The following TYW1 variants were observed in gnomAD, a reference collection of about 807,000 sequenced individuals.
TYW1 encodes the protein tRNA-yW synthesizing protein 1 homolog.
Under a neutral mutation model 96.2 loss-of-function variants are expected in TYW1, and 46 were observed. The observed-to-expected ratio is 0.48, with a 90% CI of 0.38 to 0.61. The LOEUF is 0.61. Ranked by LOEUF, TYW1 falls within the 20% of genes least tolerant of loss-of-function variation. The probability of loss-of-function intolerance (pLI) is 0.00; values close to 1 mark genes in which losing one functional copy is unlikely to be tolerated. For missense variants in TYW1, 684 were observed against 909.6 expected, an observed-to-expected ratio of 0.75 and a Z score of 3.19; for synonymous variants, 274 against 323.0, an observed-to-expected ratio of 0.85 and a Z score of 1.63.
intron 15 of TYW1, among the ~76,000 whole-genome samples, chr7:67,217,846 C>CTTTTTTTTTTTTTTTTTT: frequency 1.4e-5 from 1 of 69,234 alleles, no homozygotes; most frequent in Non-Finnish European, 2.7e-5. Context: ...GTGTTGATGT[C>CTTTTTTTTTTTTTTTTTT]TTTTTTTTTT....
At chr7:67,220,854 C>G (rs777296104) in intron 15 of TYW1, among the ~76,000 whole-genome samples, 92 of 151,776 alleles carry the variant, frequency 6.1e-4, no homozygotes, top group Non-Finnish European at 4.7e-4. Context: ...TCTTCTGCCT[C>G]AGCCCCCCGA....
At chr7:67,160,754 G>A (rs1206403457) in intron 13 of TYW1, among the ~76,000 whole-genome samples, 2 of 151,420 alleles carry the variant, frequency 1.3e-5, no homozygotes, top group Non-Finnish European at 2.9e-5. Flanking sequence ...ACCATGCCCA[G>A]CTAATTTTTG....
chr7:67,056,320 C>T (rs576646252), intron 9 of TYW1, among the ~76,000 whole-genome samples: 3 of 152,096 alleles, frequency 2.0e-5, no homozygotes, highest in African/African-American at 4.8e-5. Flanking sequence ...GGTGAAACCC[C>T]GTTTCTACTA....
intron 11 of TYW1, among the ~76,000 whole-genome samples, chr7:67,085,518 G>A (rs536774654): frequency 2.0e-5 from 3 of 152,224 alleles, no homozygotes; most frequent in East Asian, 1.9e-4. Context: ...GCTGAACTGC[G>A]AATCAATTAA....
rs546325343 is a variant in TYW1 at position 67,090,104 on chromosome 7, C to A, written c.1384+6565C>A. ...AGGCTAGAAGCAAAGTACTGCAAGACATAAAAGATCTCCAACAGATGGTTT... is the reference window on the plus strand; with the variant it reads ...AGGCTAGAAGCAAAGTACTGCAAGAAATAAAAGATCTCCAACAGATGGTTT... On this transcript the variant is annotated intron_variant, in intron 11 of 15. Transcript: ENST00000359626. 7.2e-3 allele frequency among the ~76,000 whole-genome samples: 1,096 copies of A among 152,162 alleles called. 5 individuals carry two copies. The highest frequency in any genetic ancestry group is 0.012 in the Non-Finnish European group (783 of 67,946).
chr7:67,184,418 G>A (rs1250203694), intron 14 of TYW1, among the ~76,000 whole-genome samples: 2 of 151,814 alleles, frequency 1.3e-5, no homozygotes, highest in Non-Finnish European at 2.9e-5. Context: ...TTTCACTGGT[G>A]GTCTTGTATA....
At chr7:67,188,645 A>G (rs1055018405) in intron 14 of TYW1, among the ~76,000 whole-genome samples, 1 of 152,186 alleles carries the variant, frequency 6.6e-6, no homozygotes, top group African/African-American at 2.4e-5. Context: ...TTACCCACGG[A>G]CACAGTAACA....
At chr7:67,013,126 T>C (rs1793873017) in intron 4 of TYW1, among the ~76,000 whole-genome samples, 1 of 151,632 alleles carries the variant, frequency 6.6e-6, no homozygotes, top group Non-Finnish European at 1.5e-5. Context: ...TTTTCTTTTT[T>C]TTTTTTGAGA....
chr7:67,106,861 C>A (rs62468377), intron 12 of TYW1, among the ~76,000 whole-genome samples: 6,081 of 152,244 alleles, frequency 0.04, 179 homozygotes, highest in Middle Eastern at 0.1. Context: ...TTCAGCATTT[C>A]ACTATGACAT....
rs529812538 is a variant in TYW1 at position 67,072,934 on chromosome 7, G to GTTTT, written c.1274+5558_1274+5561dup. Among the ~76,000 whole-genome samples, 138 of 71,264 alleles carry GTTTT rather than the reference G, an allele frequency of 1.9e-3. 6 individuals carry two copies. The highest frequency in any genetic ancestry group is 3.3e-3 in the South Asian group (6 of 1,794). The allele number at this position is 71,264 out of a possible 152,430, so 46.8% of individuals were successfully genotyped here. A position where few individuals can be genotyped will look rare whatever the true frequency, so the allele number is the denominator to read the frequency against. ...AGGCTTGTGCCACAATGCCTATCCA[G>GTTTT]TTTTTTTTTTTTTTTTTTTTTTTTT... is the stretch of plus-strand genomic sequence containing the variant. On this transcript the variant is annotated intron_variant, in intron 10 of 15. Coordinates refer to ENST00000359626, the MANE Select transcript of TYW1 (RefSeq NM_018264.4).
intron 12 of TYW1, among the ~76,000 whole-genome samples, chr7:67,107,858 G>C (rs1797288082): frequency 6.7e-6 from 1 of 148,740 alleles, no homozygotes; most frequent in Non-Finnish European, 1.5e-5. Context: ...GAGCCACCAT[G>C]CCTGGCCAAG....
At chr7:67,146,807 T>C (rs950742310) in intron 13 of TYW1, among the ~76,000 whole-genome samples, 2 of 152,222 alleles carry the variant, frequency 1.3e-5, no homozygotes, top group Admixed American at 6.5e-5. Context: ...CAGAGGCTGA[T>C]ACAGTGGCTT....
intron 13 of TYW1, among the ~76,000 whole-genome samples, chr7:67,141,174 G>A (rs946309336): frequency 2.0e-5 from 3 of 152,066 alleles, no homozygotes; most frequent in African/African-American, 7.2e-5. Context: ...CTTAGTCATT[G>A]GTCCCCAGAA....
At chr7:67,051,979 TACTC>T (rs1291167305) in intron 8 of TYW1, among the ~76,000 whole-genome samples, 1 of 152,206 alleles carries the variant, frequency 6.6e-6, no homozygotes, top group Non-Finnish European at 1.5e-5. Flanking sequence ...ACTGTCCTCT[TACTC>T]ACATTGCTTC....
chr7:67,154,047 A>T (rs1277533335), intron 13 of TYW1, among the ~76,000 whole-genome samples: 1 of 151,242 alleles, frequency 6.6e-6, no homozygotes, highest in Non-Finnish European at 1.5e-5. Context: ...CAGCCTCCCA[A>T]GTAGCTGGGA....
chr7:67,226,580 G>T (rs2116433174), intron 15 of TYW1, among the ~76,000 whole-genome samples: 1 of 152,224 alleles, frequency 6.6e-6, no homozygotes, highest in African/African-American at 2.4e-5. Context: ...AACCCACCAA[G>T]TTGTCCTTAA....
intron 15 of TYW1, among the ~76,000 whole-genome samples, chr7:67,235,933 A>G (rs1311878772): frequency 6.7e-6 from 1 of 149,190 alleles, no homozygotes; most frequent in Non-Finnish European, 1.5e-5. Flanking sequence ...AGGAAGAAAG[A>G]CTGGGCCCTC....
rs189229052 is a variant in TYW1 at position 67,082,367 on chromosome 7, G to A, written c.1275-1063G>A. Among the ~76,000 whole-genome samples the A allele has an allele frequency of 5.1e-4, 77 of 152,168 alleles. 1 individual carries two copies. Among genetic ancestry groups the A allele is most frequent in the African/African-American group, 1.7e-3 (70 of 41,438 alleles). Reference sequence around the variant, plus strand: ...ACGGGTACAGTAGTGTAGTAGTATAGTAGTGTACATGTGATTTCTTTGGCC... The same window carrying A: ...ACGGGTACAGTAGTGTAGTAGTATAATAGTGTACATGTGATTTCTTTGGCC... On this transcript the variant is annotated intron_variant, in intron 10 of 15. Transcript: ENST00000359626.
chr7:67,063,391 C>T (rs184161828), intron 9 of TYW1, among the ~76,000 whole-genome samples: 289 of 152,326 alleles, frequency 1.9e-3, no homozygotes, highest in African/African-American at 6.8e-3. Flanking sequence ...GTTCACCACT[C>T]CTGTTTTACA....
Sources: allele counts gnomAD v4.1 joint callset (sites outside exome capture counted in the v4.1 genomes callset), GRCh38; gene constraint gnomAD v4.1.1; transcripts MANE v1.5; gene names NCBI Gene and HGNC (gene_info 2026-07-23, HGNC 2026-07-21).